The following PTPRD variants were observed in gnomAD, a reference collection of about 807,000 sequenced individuals.
PTPRD encodes the protein receptor-type tyrosine-protein phosphatase delta.
In PTPRD, 34 loss-of-function variants were observed where a neutral mutation model predicts 214.5. That is an observed-to-expected ratio of 0.16 (90% confidence interval 0.12 to 0.21). The LOEUF is 0.21. Ranked by LOEUF, PTPRD falls within the 10% of genes least tolerant of loss-of-function variation. The pLI, the probability that PTPRD is intolerant of heterozygous loss-of-function variation, is 1.00. For missense variants in PTPRD, 2,545 were observed against 2,398.7 expected, an observed-to-expected ratio of 1.06 and a Z score of -1.27; for synonymous variants, 1,128 against 845.7, an observed-to-expected ratio of 1.33 and a Z score of -5.79.
intron 8 of PTPRD, among the ~76,000 whole-genome samples, chr9:9,405,536 A>G (rs938642035): frequency 6.6e-6 from 1 of 152,086 alleles, no homozygotes; most frequent in Non-Finnish European, 1.5e-5. Context: ...GGCATGCTTT[A>G]TAACATTAGC....
chr9:9,538,888 G>A (rs1334796857), intron 8 of PTPRD, among the ~76,000 whole-genome samples: 1 of 151,742 alleles, frequency 6.6e-6, no homozygotes. Context: ...ACTGGCATAA[G>A]AGATATCATA....
intron 44 of PTPRD, among the ~76,000 whole-genome samples, chr9:8,329,837 C>A (rs542479866): frequency 6.6e-6 from 1 of 152,116 alleles, no homozygotes; most frequent in Non-Finnish European, 1.5e-5. Context: ...CCTACTCTAG[C>A]CTCAGCAATG....
At chr9:9,794,599 T>C (rs905855727) in intron 5 of PTPRD, among the ~76,000 whole-genome samples, 5 of 152,100 alleles carry the variant, frequency 3.3e-5, no homozygotes, top group South Asian at 2.1e-4. Flanking sequence ...TGAGTCTTGA[T>C]GATAATCATG....
chr9:10,426,596 G>A (rs188608749), intron 2 of PTPRD, among the ~76,000 whole-genome samples: 3 of 152,120 alleles, frequency 2.0e-5, no homozygotes, highest in Admixed American at 1.3e-4. Context: ...GGATAAGATA[G>A]CAGTATAACT....
chr9:9,389,602 A>C (rs1452799772), intron 9 of PTPRD, among the ~76,000 whole-genome samples: 1 of 152,218 alleles, frequency 6.6e-6, no homozygotes, highest in Non-Finnish European at 1.5e-5. Flanking sequence ...TTGCCTCATA[A>C]AATGAGATAT....
chr9:9,101,944 T>C (rs746527767), intron 10 of PTPRD, among the ~76,000 whole-genome samples: 7 of 152,210 alleles, frequency 4.6e-5, no homozygotes, highest in Non-Finnish European at 1.0e-4. Context: ...ATGATACCTC[T>C]TGGCTATATT....
intron 11 of PTPRD, among the ~76,000 whole-genome samples, chr9:8,877,005 C>A (rs1370258262): frequency 6.6e-6 from 1 of 151,964 alleles, no homozygotes; most frequent in East Asian, 1.9e-4. Flanking sequence ...CAGCTCACAG[C>A]AACCTCTGCC....
At chr9:8,937,012 T>C (rs2099002235) in intron 11 of PTPRD, among the ~76,000 whole-genome samples, 3 of 152,302 alleles carry the variant, frequency 2.0e-5, no homozygotes, top group African/African-American at 7.2e-5. Context: ...ATAAAGTATT[T>C]GGATAGATGT....
intron 2 of PTPRD, among the ~76,000 whole-genome samples, chr9:10,513,041 G>A (rs2048824974): frequency 6.6e-6 from 1 of 152,058 alleles, no homozygotes; most frequent in Non-Finnish European, 1.5e-5. Context: ...TGTTATCAGA[G>A]CCAAAGACAA....
chr9:9,157,106 A>G (rs2099881885), intron 10 of PTPRD, among the ~76,000 whole-genome samples: 1 of 152,232 alleles, frequency 6.6e-6, no homozygotes. Context: ...ACAACATATG[A>G]AAACTTAAGG....
intron 13 of PTPRD, among the ~76,000 whole-genome samples, chr9:8,635,439 A>C (rs895773044): frequency 9.9e-5 from 15 of 152,066 alleles, no homozygotes; most frequent in African/African-American, 3.6e-4. Flanking sequence ...TTTGTATTTA[A>C]ATAAATTATA....
At position 8,779,814 on chromosome 9, in the gene PTPRD, G is replaced by GT. The variant is rs369478924; in HGVS notation, c.-103-45869dup. ...CACACATTATGTCGATGTTTTGTTGGTTTTTTTTTTTTTTTTTTTGGTCCT... is the reference window on the plus strand; with the variant it reads ...CACACATTATGTCGATGTTTTGTTGGTTTTTTTTTTTTTTTTTTTTGGTCCT... On this transcript the variant is annotated intron_variant, in intron 11 of 45. Coordinates refer to ENST00000381196, the MANE Select transcript of PTPRD (RefSeq NM_002839.4). Among the ~76,000 whole-genome samples the GT allele has an allele frequency of 5.4e-3, 696 of 128,418 alleles. 3 individuals are homozygous for GT. The highest frequency in any genetic ancestry group is 0.015 in the East Asian group (63 of 4,254). 84.2% of individuals were successfully genotyped at this position (128,418 alleles called of 152,430 possible).
chr9:9,808,380 C>T (rs551949859), intron 5 of PTPRD, among the ~76,000 whole-genome samples: 3 of 152,288 alleles, frequency 2.0e-5, no homozygotes, highest in South Asian at 4.1e-4. Flanking sequence ...GACCAGGAAA[C>T]TCCTTTCCAT....
intron 3 of PTPRD, among the ~76,000 whole-genome samples, chr9:10,106,336 G>C (rs2098632482): frequency 1.3e-5 from 2 of 151,886 alleles, no homozygotes; most frequent in Admixed American, 1.3e-4. Context: ...CCTGCAGAAA[G>C]TCTATCAATT....
At chr9:9,372,099 G>A (rs940011333) in intron 9 of PTPRD, among the ~76,000 whole-genome samples, 3 of 152,108 alleles carry the variant, frequency 2.0e-5, no homozygotes, top group African/African-American at 7.2e-5. Flanking sequence ...GTTGATTTGG[G>A]GTGGAGAGTT....
In PTPRD at chr9:10,592,606, G is replaced by T. The variant is rs187888571; in HGVS notation, c.-600+19792C>A. 4.6e-5 allele frequency among the ~76,000 whole-genome samples: 7 copies of T among 152,004 alleles called. No individual in the cohort carries two copies. In the East Asian group the frequency reaches 1.4e-3, roughly 30 times the overall value. ...TTACTGGGTTGAGTGGGGACTTGGA[G>T]AACTTTTCTGTCTTACAAGAGGATT... On this transcript the variant is annotated intron_variant, in intron 2 of 45. Coordinates refer to ENST00000381196, the MANE Select transcript of PTPRD (RefSeq NM_002839.4).
intron 5 of PTPRD, among the ~76,000 whole-genome samples, chr9:9,809,596 G>GT (rs2046510079): frequency 6.6e-6 from 1 of 152,154 alleles, no homozygotes; most frequent in Non-Finnish European, 1.5e-5. Context: ...TTTATGCAGA[G>GT]TAAATAAATA....
intron 21 of PTPRD, among the ~76,000 whole-genome samples, chr9:8,516,186 A>G (rs2097777642): frequency 6.6e-6 from 1 of 152,222 alleles, no homozygotes; most frequent in Non-Finnish European, 1.5e-5. Context: ...AAGCAAAACA[A>G]GATTTACGGA....
intron 3 of PTPRD, among the ~76,000 whole-genome samples, chr9:10,286,437 A>G (rs778866396): frequency 1.3e-5 from 2 of 152,150 alleles, no homozygotes; most frequent in Non-Finnish European, 2.9e-5. Context: ...GTGAGACCTC[A>G]TTAGAAAATA....
Sources: gnomAD v4.1 joint callset for allele counts (sites outside exome capture counted in the v4.1 genomes callset) on GRCh38, gnomAD v4.1.1 for gene constraint, MANE v1.5 for transcripts, NCBI Gene and HGNC (gene_info 2026-07-23, HGNC 2026-07-21) for gene names.